Variants in WASHC4 observed in about 807,000 individuals in gnomAD.
WASHC4 encodes WASH complex subunit 7.
Under a neutral mutation model 166.6 loss-of-function variants are expected in WASHC4, and 86 were observed. That is an observed-to-expected ratio of 0.52 (90% CI 0.43 to 0.62). The LOEUF is 0.62. Among genes scored for constraint, WASHC4 ranks in the 20% least tolerant of loss-of-function variants. WASHC4 has a pLI of 0.00. For missense variants in WASHC4, 1,262 were observed against 1,382.4 expected, an observed-to-expected ratio of 0.91 and a Z score of 1.38; for synonymous variants, 446 against 451.6, an observed-to-expected ratio of 0.99 and a Z score of 0.16.
chr12:105,159,851 G>C (rs879291351), intron 28 of WASHC4, 150 bp from the exon 29 acceptor site: 6 of 674,150 alleles, frequency 8.9e-6, no homozygotes, highest in Non-Finnish European at 1.5e-5. Context: ...GAGAAAATAA[G>C]TTTATTCTGA....
At chr12:105,113,660 G>C (rs1565991734) in intron 2 of WASHC4, among the ~76,000 whole-genome samples, 1 of 152,044 alleles carries the variant, frequency 6.6e-6, no homozygotes, top group East Asian at 1.9e-4. Flanking sequence ...CCAGAAGGGA[G>C]ATCTGAGATT....
chr12:105,162,630 GA>G, intron 29 of WASHC4, 118 bp from the exon 30 acceptor site: 2 of 641,904 alleles, frequency 3.1e-6, no homozygotes, highest in Admixed American at 4.3e-5. Flanking sequence ...CAGGAATCTA[GA>G]TTCTATTCTA....
chr12:105,164,995 A>G (rs1173826647), intron 32 of WASHC4, among the ~76,000 whole-genome samples: 1 of 152,246 alleles, frequency 6.6e-6, no homozygotes, highest in Non-Finnish European at 1.5e-5. Flanking sequence ...TTTAATTTAA[A>G]TACACTTTTC....
intron 28 of WASHC4, 100 bp downstream of exon 28, chr12:105,157,422 A>T: frequency 1.5e-6 from 1 of 678,672 alleles, no homozygotes; most frequent in Non-Finnish European, 2.6e-6. Context: ...TGTTTTTATT[A>T]TACAAAATTA....
In WASHC4 at chr12:105,123,508, C is replaced by T. The variant is rs552225991; in HGVS notation, c.786+1270C>T. The stretch of plus-strand genomic sequence containing the variant: ...GGACTGAATTGAAAATCAAACCAAC[C>T]GCAACATTAGTTTAAGCCAAAGCCT... On this transcript the variant is annotated intron_variant, in intron 10 of 32. Transcript: ENST00000332180. Among the ~76,000 whole-genome samples the T allele has an allele frequency of 5.3e-5, 8 of 152,256 alleles. No individual in the cohort carries two copies. The South Asian group carries it at 1.4e-3, about 28-fold the overall frequency.
At position 105,156,739 on chromosome 12, in the gene WASHC4, C is replaced by T; in HGVS notation, c.2772C>T (p.Gly924=). 6.2e-7 allele frequency: 1 copy of T among 1,610,856 alleles called. No homozygotes were observed. The change falls in exon 27 of 33, where the codon GGC becomes GGT. Residue 924 remains glycine (G), a synonymous_variant. Coordinates refer to ENST00000332180, the MANE Select transcript of WASHC4 (RefSeq NM_015275.3). ...QLISQIGNAM[G]YVRMIRSGGL... ...GTGGTTTTTAAGGTAATGCTATGGG[C>T]TATGTACGAATGATAAGATCTGGTG...
intron 13 of WASHC4, 55 bp downstream of exon 13, chr12:105,127,344 G>T (rs1881382517): frequency 8.3e-7 from 1 of 1,204,136 alleles, no homozygotes; most frequent in Non-Finnish European, 1.2e-6. Context: ...TATTTTCAAA[G>T]ATTATACTAA....
chr12:105,148,117 G>A, intron 24 of WASHC4: 1 of 985,176 alleles, frequency 1.0e-6, no homozygotes, highest in South Asian at 4.7e-5. Flanking sequence ...GGGAGAAAAT[G>A]GAAAGTTAAG....
At position 105,164,679 on chromosome 12, in the gene WASHC4, A is replaced by G. The variant is rs1398577929; in HGVS notation, c.3393A>G (p.Arg1131=). The G allele has an allele frequency of 6.2e-7, 1 of 1,613,652 alleles. No homozygotes were observed. The highest frequency in any genetic ancestry group is 1.1e-5 in the South Asian group (1 of 91,034). ...ELLYFSLSSA[R]IFFRADKTAA... ...TGTATTTCTCACTGAGCAGTGCAAG[A>G]ATTTTCTTCAGAGCAGACAAGACTG... The change falls in exon 32 of 33, where the codon AGA becomes AGG. Residue 1131 remains arginine (R), a synonymous_variant. Coordinates refer to ENST00000332180, the MANE Select transcript of WASHC4 (RefSeq NM_015275.3).
intron 6 of WASHC4, 23 bp downstream of exon 6, chr12:105,115,751 T>C (rs375899645): frequency 6.7e-7 from 1 of 1,494,578 alleles, no homozygotes; most frequent in Non-Finnish European, 9.3e-7. Flanking sequence ...TACTTTCTAC[T>C]GAGCTTTTAC....
At chr12:105,161,078 A>T (rs183903745) in intron 29 of WASHC4, among the ~76,000 whole-genome samples, 7 of 152,132 alleles carry the variant, frequency 4.6e-5, no homozygotes, top group Admixed American at 2.0e-4. Context: ...TATAAAGTTT[A>T]AAAAAAATTG....
At chr12:105,148,769 G>A in intron 24 of WASHC4, 1 of 985,386 alleles carries the variant, frequency 1.0e-6, no homozygotes, top group Non-Finnish European at 1.2e-6. Context: ...AGTTAGTGGG[G>A]TTGGAAATGA....
chr12:105,164,767 G>C, intron 32 of WASHC4, 27 bp downstream of exon 32: 1 of 1,493,792 alleles, frequency 6.7e-7, no homozygotes, highest in Non-Finnish European at 9.3e-7. Context: ...AATTTGGAAA[G>C]ACCAATAAAT....
intron 32 of WASHC4, among the ~76,000 whole-genome samples, chr12:105,166,540 G>A (rs1267032737): frequency 6.6e-6 from 1 of 152,052 alleles, no homozygotes; most frequent in Non-Finnish European, 1.5e-5. Flanking sequence ...TGAGGGGAGC[G>A]GGCCTTTCTT....
intron 19 of WASHC4, among the ~76,000 whole-genome samples, chr12:105,142,769 A>G (rs905272507): frequency 1.3e-5 from 2 of 152,034 alleles, no homozygotes; most frequent in Non-Finnish European, 2.9e-5. Context: ...CATGTTCCTA[A>G]TCATTTTCAT....
intron 21 of WASHC4, 124 bp from the exon 22 acceptor site, chr12:105,144,588 CATTTTT>C: frequency 8.7e-7 from 1 of 1,144,400 alleles, no homozygotes; most frequent in Non-Finnish European, 1.2e-6. Flanking sequence ...TTTCTTTTCT[CATTTTT>C]ATTAATACCT....
At position 105,156,787 on chromosome 12, in the gene WASHC4, C is replaced by T. The variant is rs35149056; in HGVS notation, c.2820C>T (p.Ala940=). ...GTGGTCTTCATTGTAGCAGCAATGC[C>T]ATTAGGTATGGATGCAAACATCATT... ...RSGGLHCSSN[A]IRFVPDLEDI... Residue 940 remains alanine, a synonymous_variant, in exon 27 of 33, where the codon GCC becomes GCT. Transcript: ENST00000332180. 120,125 of 1,608,874 alleles carry T rather than the reference C, an allele frequency of 0.075. 5,100 individuals are homozygous for T. Among genetic ancestry groups the T allele is most frequent in the South Asian group, 0.085 (7,735 of 90,988 alleles).
intron 24 of WASHC4, 194 bp from the exon 25 acceptor site, chr12:105,149,421 A>G: frequency 1.8e-6 from 2 of 1,092,194 alleles, no homozygotes; most frequent in Non-Finnish European, 2.3e-6. Flanking sequence ...AGAGGAGCTT[A>G]TAGAAAGTTT....
chr12:105,145,939 C>G (rs1024593809), intron 22 of WASHC4, among the ~76,000 whole-genome samples: 1 of 152,106 alleles, frequency 6.6e-6, no homozygotes, highest in Admixed American at 6.5e-5. Flanking sequence ...CCTGCTGCTG[C>G]CTAGCTATTT....
Sources: gnomAD v4.1 joint callset for allele counts (sites outside exome capture counted in the v4.1 genomes callset) on GRCh38, gnomAD v4.1.1 for gene constraint, MANE v1.5 for transcripts, NCBI Gene and HGNC (gene_info 2026-07-23, HGNC 2026-07-21) for gene names.